POLR1C: variants seen among roughly 807,000 people sequenced by gnomAD.
POLR1C encodes DNA-directed RNA polymerases I and III subunit RPAC1.
POLR1C carries 42 observed loss-of-function variants against 38.3 expected under a neutral mutation model. The ratio of observed to expected loss-of-function variants is 1.10; its 90% CI spans 0.86 to 1.42. The LOEUF (loss-of-function observed/expected upper bound fraction) is 1.42. POLR1C is among the 40% of genes most tolerant of loss of function. POLR1C has a pLI of 0.00. For synonymous variants in POLR1C, 163 were observed against 163.9 expected (o/e 0.99, Z 0.04); for missense variants, 507 against 450.5 (o/e 1.13, Z -1.14).
intron 2 of POLR1C, 96 bp from the exon 3 acceptor site, chr6:43,519,237 G>A: frequency 1.3e-6 from 1 of 778,444 alleles, no homozygotes; most frequent in Non-Finnish European, 2.3e-6. Flanking sequence ...TTTTGGATGA[G>A]AGGATAATAC....
At chr6:43,535,806 T>C (rs1582206753) in intron 9 of POLR1C, among the ~76,000 whole-genome samples, 2 of 117,120 alleles carry the variant, frequency 1.7e-5, no homozygotes, top group African/African-American at 3.7e-5. Context: ...AGAGCGAGAC[T>C]CCATCTCAAA....
rs150817974 is a variant in POLR1C, at chr6:43,526,968, C to T, written c.923-2281C>T. The T allele has an allele frequency of 1.8e-3, 990 of 544,306 alleles. 9 individuals are homozygous for T. The highest frequency in any genetic ancestry group is 0.016 in the African/African-American group (877 of 53,176). The allele number at this position is 544,306 out of a possible 1,614,324, so 33.7% of individuals were successfully genotyped here. ...AGTTCAACTAGCTGAGAGAAAATTA[C>T]AGAATTCTCTGAGAGTGAGTGACTA... On this transcript the variant is annotated intron_variant, in intron 8 of 8. Transcript: ENST00000304004.
intron 8 of POLR1C, chr6:43,526,844 TGAGGAAG>T (rs1793626352): frequency 1.5e-6 from 2 of 1,310,382 alleles, no homozygotes; most frequent in Non-Finnish European, 2.2e-6. Flanking sequence ...TCTGGCCAGG[TGAGGAAG>T]GAGGAAGATG....
Position 43,521,238 on chromosome 6 carries a change from A to G in POLR1C, c.979A>G (p.Lys327Glu). Residue 327 changes from lysine to glutamate, a missense_variant, in exon 9 of 9, where the codon AAA (lysine) becomes GAA (glutamate). Physicochemically the swap from Lys to Glu is moderately conservative, Grantham distance 56. Coordinates refer to ENST00000642195, the MANE Select transcript of POLR1C (RefSeq NM_203290.4). ...PPDVLVSEAIKVLMGKCRRFL... is the reference protein window; with the variant it reads ...PPDVLVSEAIEVLMGKCRRFL... Reference sequence around the variant, plus strand: ...AGATGTGCTGGTGAGTGAAGCCATCAAAGTACTGATGGGGAAGTGCCGGCG... The same window carrying G: ...AGATGTGCTGGTGAGTGAAGCCATCGAAGTACTGATGGGGAAGTGCCGGCG... 1 of 1,613,768 alleles carries G rather than the reference A, an allele frequency of 6.2e-7. No individual in the cohort carries two copies. Among genetic ancestry groups the G allele is most frequent in the Non-Finnish European group, 8.5e-7 (1 of 1,180,024 alleles).
intron 10 of POLR1C, among the ~76,000 whole-genome samples, chr6:43,551,934 T>C (rs1010275253): frequency 6.6e-6 from 1 of 152,164 alleles, no homozygotes; most frequent in Non-Finnish European, 1.5e-5. Flanking sequence ...CCCAAAGTGT[T>C]GGGATTACAA....
intron 9 of POLR1C, chr6:43,550,844 A>C (rs185580758): frequency 6.6e-6 from 1 of 152,556 alleles, no homozygotes; most frequent in Admixed American, 6.5e-5. Flanking sequence ...AAACCTGGAA[A>C]GTGTTCCTTC....
chr6:43,527,448 A>G (rs149735230), intron 8 of POLR1C: 2 of 541,522 alleles, frequency 3.7e-6, no homozygotes, highest in East Asian at 3.4e-5. Flanking sequence ...TAATTTTTGT[A>G]TTATTAGTAG....
At chr6:43,552,608 C>A (rs938304100) in intron 10 of POLR1C, among the ~76,000 whole-genome samples, 8 of 152,172 alleles carry the variant, frequency 5.3e-5, no homozygotes, top group African/African-American at 1.7e-4. Context: ...CAGCCTTGGC[C>A]TCCCAAAGTG....
intron 10 of POLR1C, chr6:43,560,967 T>A (rs759940636): frequency 1.2e-6 from 2 of 1,613,962 alleles, no homozygotes; most frequent in Non-Finnish European, 8.5e-7. Context: ...TTCCAGGTAT[T>A]TTCCAAAGTT....
At chr6:43,561,417 T>C (rs113007816) in exon 11 of POLR1C, 4,981 of 161,970 alleles carry the variant, frequency 0.031, 261 homozygotes, top group African/African-American at 0.11. Context: ...CTCACTCTGT[T>C]GCTCAGGCTG....
rs746045414 is a variant in POLR1C, at chr6:43,551,277, CAAA to C, written c.*48+267_*48+269del. 1.2e-5 allele frequency: 18 copies of C among 1,536,396 alleles called. No homozygotes were observed. In the African/African-American group the frequency reaches 1.5e-4, roughly 13 times the overall value. Reference sequence around the variant, plus strand: ...CTTAGAAATGTCAAAATAAAATTTACAAAGGAGATGGGCTTTATACCTTAGAGA... The same window carrying C: ...CTTAGAAATGTCAAAATAAAATTTACGGAGATGGGCTTTATACCTTAGAGA... On this transcript the variant is annotated intron_variant, in intron 10 of 10. Coordinates refer to the POLR1C transcript ENST00000607635.
intron 2 of POLR1C, 47 bp from the exon 3 acceptor site, chr6:43,519,286 T>C (rs1793013201): frequency 1.7e-6 from 2 of 1,172,500 alleles, no homozygotes; most frequent in African/African-American, 3.0e-5. Context: ...GAAGAGATAT[T>C]ACACAGAGAG....
At position 43,529,005 on chromosome 6, in the gene POLR1C, G is replaced by C. The variant is rs1016044762; in HGVS notation, c.923-244G>C. On this transcript the variant is annotated intron_variant, in intron 8 of 8. Coordinates refer to the POLR1C transcript ENST00000304004. Reference sequence around the variant, plus strand: ...AGGTGGTGGGTTGCACCCCTGGGCAGAATCAATCCCTAAAGGATTTGCCAG... The same window carrying C: ...AGGTGGTGGGTTGCACCCCTGGGCACAATCAATCCCTAAAGGATTTGCCAG... 2.8e-5 allele frequency: 37 copies of C among 1,333,336 alleles called. 1 individual carries two copies. The highest frequency in any genetic ancestry group is 3.8e-5 in the Non-Finnish European group (37 of 963,648). 82.6% of individuals were successfully genotyped at this position (1,333,336 alleles called of 1,614,324 possible).
chr6:43,528,812 C>G (rs1561864622), intron 8 of POLR1C: 1 of 1,611,286 alleles, frequency 6.2e-7, no homozygotes, highest in South Asian at 1.1e-5. Context: ...CTTCCTGTTC[C>G]TGACTTATCT....
At chr6:43,525,711 G>T, downstream of POLR1C, 3 of 1,005,348 alleles carry the variant, frequency 3.0e-6, no homozygotes, top group Non-Finnish European at 2.9e-6. Context: ...TGGGGCCTTT[G>T]GAACCAGGAA....
At chr6:43,553,415 CA>C (rs756386937) in intron 10 of POLR1C, 2 of 1,605,890 alleles carry the variant, frequency 1.2e-6, no homozygotes, top group Non-Finnish European at 1.7e-6. Flanking sequence ...TAACACTTTC[CA>C]AAAAAAGAGT....
At chr6:43,546,825 T>G in intron 9 of POLR1C, 1 of 1,408,588 alleles carries the variant, frequency 7.1e-7, no homozygotes, top group Non-Finnish European at 9.4e-7. Context: ...GTTAGATATA[T>G]TCAAGGTTCT....
intron 9 of POLR1C, chr6:43,539,549 C>T: frequency 7.2e-7 from 1 of 1,396,742 alleles, no homozygotes. Context: ...GGCCTTGCCT[C>T]CGCGAGCTCC....
At chr6:43,524,810 C>T (rs1243724820), downstream of POLR1C, 3 of 1,612,284 alleles carry the variant, frequency 1.9e-6, no homozygotes, top group East Asian at 2.2e-5. Flanking sequence ...GCCATCCTTC[C>T]CCCATGCCTT....
Sources: gnomAD v4.1 joint callset for allele counts (sites outside exome capture counted in the v4.1 genomes callset) on GRCh38, gnomAD v4.1.1 for gene constraint, MANE v1.5 for transcripts, NCBI Gene and HGNC (gene_info 2026-07-23, HGNC 2026-07-21) for gene names.